The following PTPN11 variants were observed in gnomAD, a reference collection of about 807,000 sequenced individuals.
PTPN11 encodes the protein protein tyrosine phosphatase non-receptor type 11.
A neutral mutation model predicts 78.8 loss-of-function variants in PTPN11; 6 were observed. That is an observed-to-expected ratio of 0.08 (90% CI 0.04 to 0.15). The LOEUF (loss-of-function observed/expected upper bound fraction) is 0.15, where lower values mean the gene tolerates loss of function less well. Ranked by LOEUF, PTPN11 falls within the 10% of genes least tolerant of loss-of-function variation. PTPN11 has a pLI of 1.00. For missense variants in PTPN11, 386 were observed against 744.8 expected (o/e 0.52, Z 5.61); for synonymous variants, 221 against 263.5 (o/e 0.84, Z 1.56).
chr12:112,495,892 A>C (rs898988767), intron 13 of PTPN11, among the ~76,000 whole-genome samples: 4 of 152,186 alleles, frequency 2.6e-5, no homozygotes, highest in African/African-American at 9.7e-5. Flanking sequence ...TAAAATCAAA[A>C]AAACCATAAG....
chr12:112,472,700 C>T (rs1019944038), intron 6 of PTPN11, among the ~76,000 whole-genome samples: 5 of 152,002 alleles, frequency 3.3e-5, no homozygotes, highest in Admixed American at 2.6e-4. Context: ...GTGGTTTTAC[C>T]ATGTTGGCCA....
rs552435552 is a variant in PTPN11 at position 112,420,954 on chromosome 12, A to AG, written c.14+1831dup. ...TGGTGTCTGCTCTTCCAGACAAGTA[A>AG]GGATCTGCTGCTTTAGGAGACATCA... On this transcript the variant is annotated intron_variant, in intron 1 of 15. Coordinates refer to ENST00000351677, the MANE Select transcript of PTPN11 (RefSeq NM_002834.5). 2.8e-3 allele frequency among the ~76,000 whole-genome samples: 431 copies of AG among 152,322 alleles called. 4 individuals are homozygous for AG. The highest frequency in any genetic ancestry group is 9.6e-3 in the African/African-American group (401 of 41,574).
At chr12:112,499,334 T>A (rs1479476872) in intron 13 of PTPN11, among the ~76,000 whole-genome samples, 1 of 151,952 alleles carries the variant, frequency 6.6e-6, no homozygotes, top group Non-Finnish European at 1.5e-5. Flanking sequence ...TTTTAAAAAA[T>A]TTATTTTTTA....
At chr12:112,490,526 C>T (rs1221007186) in intron 13 of PTPN11, among the ~76,000 whole-genome samples, 8 of 151,950 alleles carry the variant, frequency 5.3e-5, no homozygotes, top group African/African-American at 1.5e-4. Flanking sequence ...AGGCTAGTCT[C>T]GAATTCCTAG....
At chr12:112,477,612 G>T in intron 7 of PTPN11, 39 bp from the exon 8 acceptor site, 1 of 1,508,476 alleles carries the variant, frequency 6.6e-7, no homozygotes, top group Non-Finnish European at 9.2e-7. Flanking sequence ...TCCTGAAGCA[G>T]TCCAGGACTT....
intron 6 of PTPN11, 21 bp from the exon 7 acceptor site, chr12:112,472,923 T>C (rs550231049): frequency 4.9e-5 from 76 of 1,563,580 alleles, no homozygotes; most frequent in Non-Finnish European, 6.1e-5. Flanking sequence ...CGTAATAATA[T>C]TGACTTTTCT....
chr12:112,487,938 C>T (rs1159166477), intron 11 of PTPN11, among the ~76,000 whole-genome samples: 1 of 151,992 alleles, frequency 6.6e-6, no homozygotes, highest in Non-Finnish European at 1.5e-5. Flanking sequence ...TACGTGACAA[C>T]ATGCCTGGCT....
intron 1 of PTPN11, among the ~76,000 whole-genome samples, chr12:112,438,084 G>C (rs2037822433): frequency 6.6e-6 from 1 of 152,084 alleles, no homozygotes; most frequent in South Asian, 2.1e-4. Context: ...TGGACTTTCT[G>C]TTTCTGGGGG....
At chr12:112,473,621 C>T (rs2038453385) in intron 7 of PTPN11, among the ~76,000 whole-genome samples, 1 of 151,386 alleles carries the variant, frequency 6.6e-6, no homozygotes, top group Non-Finnish European at 1.5e-5. Flanking sequence ...CCGAGGCAAG[C>T]GGATCACCTC....
intron 1 of PTPN11, among the ~76,000 whole-genome samples, chr12:112,429,989 A>T (rs2037686087): frequency 6.6e-6 from 1 of 152,174 alleles, no homozygotes; most frequent in Non-Finnish European, 1.5e-5. Context: ...AATTTTAACC[A>T]GCTGTAATGT....
chr12:112,506,266 A>G lies in PTPN11; in HGVS notation c.*474A>G, dbSNP rs1198836111. The G allele has an allele frequency of 1.3e-5, 2 of 152,138 alleles. No homozygotes were observed. Among genetic ancestry groups the G allele is most frequent in the Non-Finnish European group, 2.9e-5 (2 of 68,028 alleles). 9.4% of individuals were successfully genotyped at this position (152,138 alleles called of 1,614,324 possible). A position where few individuals can be genotyped will look rare whatever the true frequency, so the allele number is the denominator to read the frequency against. On this transcript the variant is annotated 3_prime_UTR_variant, in exon 16 of 16. Transcript: ENST00000351677. ...GACCTAGAAAAGTGAGAACAATCTC[A>G]TTTACCATCATGTATCCAGTAGTGG...
At position 112,509,368 on chromosome 12, in the gene PTPN11, T is replaced by A. The variant is rs1592867262; in HGVS notation, c.*3576T>A. 6.5e-6 allele frequency: 1 copy of A among 152,716 alleles called. No homozygotes were observed. 9.5% of individuals were successfully genotyped at this position (152,716 alleles called of 1,614,324 possible). ...TGTATATCAAACTAATTTTGACAAG[T>A]TTTCATCCTAAGCCTCAAATCATGT... On this transcript the variant is annotated 3_prime_UTR_variant, in exon 16 of 16. Transcript: ENST00000351677.
At chr12:112,486,912 A>G in intron 11 of PTPN11, 1 of 1,379,910 alleles carries the variant, frequency 7.2e-7, no homozygotes, top group Non-Finnish European at 9.4e-7. Context: ...GCATTAAACA[A>G]CTTCATCCTG....
intron 3 of PTPN11, among the ~76,000 whole-genome samples, chr12:112,452,259 G>A (rs915405753): frequency 3.3e-4 from 49 of 148,308 alleles, no homozygotes; most frequent in African/African-American, 1.0e-3. Context: ...ATGGAGTTTC[G>A]CTCGTCACCC....
rs1262495903 is a variant in PTPN11, at chr12:112,507,530, A to G, written c.*1738A>G. 2 of 152,956 alleles carry G rather than the reference A, an allele frequency of 1.3e-5. No individual in the cohort carries two copies. Among genetic ancestry groups the G allele is most frequent in the Non-Finnish European group, 1.5e-5 (1 of 68,076 alleles). 9.5% of individuals were successfully genotyped at this position (152,956 alleles called of 1,614,324 possible). A position where few individuals can be genotyped will look rare whatever the true frequency, so the allele number is the denominator to read the frequency against. On this transcript the variant is annotated 3_prime_UTR_variant, in exon 16 of 16. Coordinates refer to ENST00000351677, the MANE Select transcript of PTPN11 (RefSeq NM_002834.5). ...TTGTAGCCAACCAGTAAGATTTGCTAATGTTCTACATTAAGTGCCTTCTCC... is the reference window on the plus strand; with the variant it reads ...TTGTAGCCAACCAGTAAGATTTGCTGATGTTCTACATTAAGTGCCTTCTCC...
intron 7 of PTPN11, 31 bp downstream of exon 7, chr12:112,473,071 C>T (rs374866811): frequency 6.6e-7 from 1 of 1,519,672 alleles, no homozygotes; most frequent in Non-Finnish European, 9.1e-7. Flanking sequence ...CAGTAATAGT[C>T]ACTCTTGGAG....
chr12:112,500,499 T>A (rs2038861903), intron 13 of PTPN11, among the ~76,000 whole-genome samples: 1 of 152,250 alleles, frequency 6.6e-6, no homozygotes, highest in Non-Finnish European at 1.5e-5. Context: ...TTGCAGCTTC[T>A]TCCCTACACT....
chr12:112,480,744 T>C (rs2135905275), intron 9 of PTPN11, among the ~76,000 whole-genome samples: 1 of 152,328 alleles, frequency 6.6e-6, no homozygotes, highest in South Asian at 2.1e-4. Flanking sequence ...ACTCTCACTG[T>C]TGATGTCTGT....
chr12:112,422,941 C>T (rs558941595), intron 1 of PTPN11, among the ~76,000 whole-genome samples: 4 of 152,192 alleles, frequency 2.6e-5, no homozygotes, highest in African/African-American at 9.7e-5. Context: ...AGCTTATTCC[C>T]CTTCCCTCTG....
Sources: gnomAD v4.1 joint callset for allele counts (sites outside exome capture counted in the v4.1 genomes callset) on GRCh38, gnomAD v4.1.1 for gene constraint, MANE v1.5 for transcripts, NCBI Gene and HGNC (gene_info 2026-07-23, HGNC 2026-07-21) for gene names.